The following PRMT3 variants were observed in gnomAD, a reference collection of about 807,000 sequenced individuals.
PRMT3 encodes protein arginine methyltransferase 3.
In PRMT3, 62 loss-of-function variants were observed where a neutral mutation model predicts 71.9. That is an observed-to-expected ratio of 0.86 (90% CI 0.70 to 1.07). The LOEUF is 1.07. Among genes scored for constraint, PRMT3 ranks in the 50% least tolerant of loss-of-function variants. The pLI, the probability that PRMT3 is intolerant of heterozygous loss-of-function variation, is 0.00. For missense variants in PRMT3, 663 were observed against 643.0 expected (o/e 1.03, Z -0.34); for synonymous variants, 213 against 220.4 (o/e 0.97, Z 0.30).
intron 9 of PRMT3, among the ~76,000 whole-genome samples, chr11:20,423,465 T>C (rs1305986925): frequency 6.6e-6 from 1 of 152,188 alleles, no homozygotes; most frequent in East Asian, 1.9e-4. Flanking sequence ...ACATATTGTC[T>C]ATTGCCTCTT....
chr11:20,452,322 G>A, intron 11 of PRMT3, 114 bp downstream of exon 11: 1 of 774,808 alleles, frequency 1.3e-6, no homozygotes, highest in Non-Finnish European at 2.1e-6. Flanking sequence ...AGGGTTGAAA[G>A]ATGTTTGCAT....
At chr11:20,495,065 G>A (rs374205331) in intron 15 of PRMT3, among the ~76,000 whole-genome samples, 1 of 151,930 alleles carries the variant, frequency 6.6e-6, no homozygotes, top group Admixed American at 6.6e-5. Flanking sequence ...TTCCACTCTT[G>A]TTGCCCAGAC....
chr11:20,436,456 G>A (rs908215082), intron 10 of PRMT3, among the ~76,000 whole-genome samples: 1 of 152,108 alleles, frequency 6.6e-6, no homozygotes, highest in African/African-American at 2.4e-5. Context: ...TGTTAGGTAC[G>A]TTCCTTCTAT....
At chr11:20,434,988 A>G (rs184877465) in intron 10 of PRMT3, among the ~76,000 whole-genome samples, 84 of 152,320 alleles carry the variant, frequency 5.5e-4, no homozygotes, top group African/African-American at 1.9e-3. Flanking sequence ...GACCATTTCA[A>G]TGATATTGAT....
intron 10 of PRMT3, among the ~76,000 whole-genome samples, chr11:20,435,214 A>AT (rs934468414): frequency 7.2e-6 from 1 of 138,176 alleles, no homozygotes; most frequent in South Asian, 2.4e-4. Context: ...TTTAGTTGAT[A>AT]TTTTTTTAAT....
At chr11:20,471,816 ATTCT>A (rs1459273947) in intron 13 of PRMT3, among the ~76,000 whole-genome samples, 1 of 152,108 alleles carries the variant, frequency 6.6e-6, no homozygotes, top group African/African-American at 2.4e-5. Flanking sequence ...CACAATATTG[ATTCT>A]TTCTATCCCT....
At chr11:20,475,617 T>C (rs553006257) in intron 13 of PRMT3, among the ~76,000 whole-genome samples, 1 of 151,832 alleles carries the variant, frequency 6.6e-6, no homozygotes, top group Admixed American at 6.6e-5. Context: ...TCAAACTTCA[T>C]AAATTTGAAT....
intron 8 of PRMT3, among the ~76,000 whole-genome samples, chr11:20,404,400 A>AT: frequency 6.6e-6 from 1 of 151,320 alleles, no homozygotes; most frequent in Non-Finnish European, 1.5e-5. Context: ...CGCCCAGCTA[A>AT]TTTTTGTATT....
chr11:20,495,554 T>G (rs1268977272), intron 15 of PRMT3, among the ~76,000 whole-genome samples: 2 of 152,114 alleles, frequency 1.3e-5, no homozygotes, highest in African/African-American at 4.8e-5. Context: ...ATATTTGTCT[T>G]AGCATTCTCT....
At chr11:20,423,909 GC>G (rs1274484352) in intron 9 of PRMT3, among the ~76,000 whole-genome samples, 20 of 142,152 alleles carry the variant, frequency 1.4e-4, no homozygotes, top group Non-Finnish European at 2.4e-4. Flanking sequence ...AAAAGGCCAG[GC>G]GCGGTGGCTG....
At chr11:20,398,555 C>G (rs549071752) in intron 7 of PRMT3, among the ~76,000 whole-genome samples, 20 of 152,306 alleles carry the variant, frequency 1.3e-4, no homozygotes, top group African/African-American at 4.6e-4. Context: ...CAGGTTCACG[C>G]CATTCTCTTG....
intron 13 of PRMT3, among the ~76,000 whole-genome samples, chr11:20,467,761 C>T (rs549132374): frequency 2.5e-4 from 38 of 152,176 alleles, no homozygotes; most frequent in Admixed American, 5.2e-4. Context: ...GGTTAAGCAT[C>T]TACATTTCTT....
At chr11:20,473,805 T>G (rs762650143) in intron 13 of PRMT3, among the ~76,000 whole-genome samples, 4 of 152,198 alleles carry the variant, frequency 2.6e-5, no homozygotes, top group Non-Finnish European at 4.4e-5. Context: ...TGGAGAGGTG[T>G]TGCAGTCATT....
At chr11:20,490,091 C>T (rs1279405914) in intron 13 of PRMT3, among the ~76,000 whole-genome samples, 1 of 150,908 alleles carries the variant, frequency 6.6e-6, no homozygotes, top group Non-Finnish European at 1.5e-5. Context: ...CTTCCACTTT[C>T]TCAACTGTAC....
At position 20,426,769 on chromosome 11, in the gene PRMT3, A is replaced by G. The variant is rs1849555272; in HGVS notation, c.897A>G (p.Leu299=). The G allele has an allele frequency of 6.8e-7, 1 of 1,474,530 alleles. No individual in the cohort carries two copies. The highest frequency in any genetic ancestry group is 8.9e-7 in the Non-Finnish European group (1 of 1,119,166). The allele number at this position is 1,474,530 out of a possible 1,614,324, so 91.3% of individuals were successfully genotyped here. ...ILYQAMDIIR[L]NKLEDTITLI... ...TCTAATTCATTATAATTTTCAGACT[A>G]AATAAACTTGAAGATACTATTACAC... The change falls in exon 10 of 16, where the codon CTA becomes CTG. Residue 299 remains leucine, a synonymous_variant. Coordinates refer to ENST00000331079, the MANE Select transcript of PRMT3 (RefSeq NM_005788.4).
chr11:20,441,990 G>A (rs1565214208), intron 10 of PRMT3, among the ~76,000 whole-genome samples: 2 of 151,918 alleles, frequency 1.3e-5, no homozygotes, highest in East Asian at 1.9e-4. Context: ...ACGGGGTTTC[G>A]CCATGTTGGC....
chr11:20,432,604 T>C (rs1380630931), intron 10 of PRMT3, among the ~76,000 whole-genome samples: 4 of 152,190 alleles, frequency 2.6e-5, no homozygotes, highest in Non-Finnish European at 5.9e-5. Flanking sequence ...GATCATATAA[T>C]AGTTCTATTT....
intron 9 of PRMT3, among the ~76,000 whole-genome samples, chr11:20,424,571 G>A (rs1849500720): frequency 6.6e-6 from 1 of 152,062 alleles, no homozygotes; most frequent in Non-Finnish European, 1.5e-5. Flanking sequence ...AATGAAAACT[G>A]AAAACATTTT....
chr11:20,440,445 A>G (rs1158433755), intron 10 of PRMT3, among the ~76,000 whole-genome samples: 1 of 145,196 alleles, frequency 6.9e-6, no homozygotes, highest in East Asian at 2.1e-4. Flanking sequence ...GGAGATTGAG[A>G]CCATCCTGGC....
Sources: allele counts gnomAD v4.1 joint callset (sites outside exome capture counted in the v4.1 genomes callset), GRCh38; gene constraint gnomAD v4.1.1; transcripts MANE v1.5; gene names NCBI Gene and HGNC (gene_info 2026-07-23, HGNC 2026-07-21).